Variants in BRINP3 observed in about 807,000 individuals in gnomAD.
BRINP3 encodes the protein BMP/retinoic acid inducible neural specific 3.
In BRINP3, 19 loss-of-function variants were observed where a neutral mutation model predicts 71.0. The observed-to-expected ratio is 0.27, with a 90% CI of 0.19 to 0.39. BRINP3 has a LOEUF of 0.39. BRINP3 is among the 10% of genes least tolerant of loss of function. BRINP3 has a pLI of 1.00. For missense variants in BRINP3, 959 were observed against 940.8 expected (o/e 1.02, Z -0.25); for synonymous variants, 380 against 337.7 (o/e 1.13, Z -1.37).
At chr1:190,367,676 C>T (rs1276785412) in intron 2 of BRINP3, among the ~76,000 whole-genome samples, 1 of 152,196 alleles carries the variant, frequency 6.6e-6, no homozygotes, top group African/African-American at 2.4e-5. Flanking sequence ...ATTTCTTCCA[C>T]CAAATACCCT....
At chr1:190,296,356 C>T (rs1223668590) in intron 2 of BRINP3, among the ~76,000 whole-genome samples, 17 of 151,804 alleles carry the variant, frequency 1.1e-4, no homozygotes, top group Admixed American at 1.1e-3. Flanking sequence ...TAAAGGGTTT[C>T]ACAAAATTCA....
intron 4 of BRINP3, among the ~76,000 whole-genome samples, chr1:190,237,526 C>T (rs1658636467): frequency 6.6e-6 from 1 of 151,852 alleles, no homozygotes; most frequent in Non-Finnish European, 1.5e-5. Context: ...AACAAATTCC[C>T]ATGATGGAAA....
intron 2 of BRINP3, among the ~76,000 whole-genome samples, chr1:190,307,097 T>C (rs1665155668): frequency 6.6e-6 from 1 of 151,782 alleles, no homozygotes; most frequent in Non-Finnish European, 1.5e-5. Context: ...ACTTTACAGA[T>C]TTGGAAACAA....
At chr1:190,206,804 T>G (rs891805458) in intron 6 of BRINP3, among the ~76,000 whole-genome samples, 1 of 152,070 alleles carries the variant, frequency 6.6e-6, no homozygotes, top group East Asian at 1.9e-4. Context: ...TTCTAAGATA[T>G]TTATTTACAA....
At chr1:190,130,235 T>A (rs749471682) in intron 7 of BRINP3, among the ~76,000 whole-genome samples, 2 of 152,002 alleles carry the variant, frequency 1.3e-5, no homozygotes, top group African/African-American at 2.4e-5. Flanking sequence ...AAAACTCCTC[T>A]GTTTCTTGTG....
intron 7 of BRINP3, among the ~76,000 whole-genome samples, chr1:190,125,346 TTA>T (rs1016991140): frequency 3.3e-5 from 5 of 151,234 alleles, no homozygotes; most frequent in Non-Finnish European, 4.4e-5. Context: ...TACACATATA[TTA>T]TATATATACA....
At chr1:190,199,085 G>A (rs1166086026) in intron 6 of BRINP3, among the ~76,000 whole-genome samples, 1 of 152,138 alleles carries the variant, frequency 6.6e-6, no homozygotes, top group Non-Finnish European at 1.5e-5. Context: ...CATGATGGCA[G>A]GCAAGAGAGC....
chr1:190,455,293 C>A (rs568413839), intron 1 of BRINP3, among the ~76,000 whole-genome samples: 6 of 152,018 alleles, frequency 3.9e-5, no homozygotes, highest in Admixed American at 3.3e-4. Flanking sequence ...TCATATATTT[C>A]ATAAATTGTG....
At chr1:190,234,235 T>G in intron 5 of BRINP3, 137 bp downstream of exon 5, 1 of 482,188 alleles carries the variant, frequency 2.1e-6, no homozygotes, top group Non-Finnish European at 3.6e-6. Flanking sequence ...ATCAGTTAAA[T>G]TATGAAATTA....
At chr1:190,447,734 A>C (rs1465745886) in intron 2 of BRINP3, among the ~76,000 whole-genome samples, 1 of 151,180 alleles carries the variant, frequency 6.6e-6, no homozygotes, top group Non-Finnish European at 1.5e-5. Context: ...AATTAGTGTT[A>C]AGGCTCAAAG....
chr1:190,463,507 T>C (rs2102672561), intron 1 of BRINP3, among the ~76,000 whole-genome samples: 1 of 151,904 alleles, frequency 6.6e-6, no homozygotes, highest in Non-Finnish European at 1.5e-5. Context: ...TTTAAAGACA[T>C]TGCTCTTTTA....
intron 4 of BRINP3, among the ~76,000 whole-genome samples, chr1:190,255,107 C>T (rs1201562290): frequency 6.6e-6 from 1 of 152,028 alleles, no homozygotes; most frequent in Non-Finnish European, 1.5e-5. Flanking sequence ...ACCAGCCTTG[C>T]ATCCCAGGGT....
chr1:190,198,808 C>G (rs1239602177), intron 6 of BRINP3, among the ~76,000 whole-genome samples: 3 of 152,078 alleles, frequency 2.0e-5, no homozygotes, highest in Non-Finnish European at 2.9e-5. Flanking sequence ...CTTTCCTATA[C>G]CTTCCTGTCT....
At chr1:190,361,624 A>T (rs546212817) in intron 2 of BRINP3, among the ~76,000 whole-genome samples, 276 of 152,076 alleles carry the variant, frequency 1.8e-3, no homozygotes, top group African/African-American at 6.5e-3. Context: ...GGATGGTCTC[A>T]ATCTCTTGAC....
intron 6 of BRINP3, among the ~76,000 whole-genome samples, chr1:190,166,261 A>G (rs1427098774): frequency 6.6e-6 from 1 of 152,202 alleles, no homozygotes; most frequent in Non-Finnish European, 1.5e-5. Flanking sequence ...AAGGGTATAA[A>G]TCAGAAACAG....
At chr1:190,289,514 T>C (rs1187839367) in intron 2 of BRINP3, among the ~76,000 whole-genome samples, 1 of 151,948 alleles carries the variant, frequency 6.6e-6, no homozygotes, top group African/African-American at 2.4e-5. Flanking sequence ...TTACAAGGTA[T>C]AAATTTTTTA....
intron 7 of BRINP3, among the ~76,000 whole-genome samples, chr1:190,148,460 G>A (rs1283242584): frequency 5.3e-5 from 8 of 151,732 alleles, no homozygotes; most frequent in African/African-American, 1.7e-4. Context: ...GCCGGGCGTG[G>A]TGGCGGGCGC....
At chr1:190,272,532 T>A (rs1662196660) in intron 3 of BRINP3, among the ~76,000 whole-genome samples, 1 of 151,532 alleles carries the variant, frequency 6.6e-6, no homozygotes, top group Non-Finnish European at 1.5e-5. Flanking sequence ...ATGAGTGCAA[T>A]AAATGTTATC....
chr1:190,422,485 C>T (rs1673449685), intron 2 of BRINP3, among the ~76,000 whole-genome samples: 1 of 151,766 alleles, frequency 6.6e-6, no homozygotes, highest in Non-Finnish European at 1.5e-5. Flanking sequence ...CTGACACCTG[C>T]TCTAGGGAAG....
Sources: gnomAD v4.1 joint callset for allele counts (sites outside exome capture counted in the v4.1 genomes callset) on GRCh38, gnomAD v4.1.1 for gene constraint, MANE v1.5 for transcripts, NCBI Gene and HGNC (gene_info 2026-07-23, HGNC 2026-07-21) for gene names.